The following PPARGC1B variants were observed in gnomAD, a reference collection of about 807,000 sequenced individuals.
The protein encoded by PPARGC1B is peroxisome proliferator-activated receptor gamma coactivator 1-beta.
Under a neutral mutation model 101.6 loss-of-function variants are expected in PPARGC1B, and 34 were observed. That is an observed-to-expected ratio of 0.33 (90% confidence interval 0.25 to 0.45). The LOEUF is 0.45. PPARGC1B is among the 20% of genes least tolerant of loss of function. The probability of loss-of-function intolerance (pLI) is 1.00; values close to 1 mark genes in which losing one functional copy is unlikely to be tolerated. For synonymous variants in PPARGC1B, 548 were observed against 539.3 expected, an observed-to-expected ratio of 1.02 and a Z score of -0.22; for missense variants, 1,234 against 1,317.6, an observed-to-expected ratio of 0.94 and a Z score of 0.98.
At chr5:149,806,986 T>C (rs1757625725) in intron 1 of PPARGC1B, among the ~76,000 whole-genome samples, 1 of 151,776 alleles carries the variant, frequency 6.6e-6, no homozygotes, top group African/African-American at 2.4e-5. Flanking sequence ...AGACAGGGTC[T>C]TGCTCTGTCA....
At chr5:149,844,193 T>A (rs1356863988) in intron 10 of PPARGC1B, among the ~76,000 whole-genome samples, 1 of 152,202 alleles carries the variant, frequency 6.6e-6, no homozygotes, top group Non-Finnish European at 1.5e-5. Context: ...ATAGAACCAT[T>A]TTAAGTTCTG....
chr5:149,841,545 CTG>C (rs746273591), intron 9 of PPARGC1B, among the ~76,000 whole-genome samples: 24 of 152,318 alleles, frequency 1.6e-4, no homozygotes, highest in Admixed American at 3.9e-4. Context: ...GGACAAGAAA[CTG>C]TGTGTTTTTC....
At chr5:149,774,579 A>G (rs887507068) in intron 1 of PPARGC1B, among the ~76,000 whole-genome samples, 5 of 151,428 alleles carry the variant, frequency 3.3e-5, no homozygotes, top group South Asian at 2.1e-4. Context: ...CAGCTTTGAC[A>G]TTCATTCATT....
Position 149,837,680 on chromosome 5 carries a change from G to C in PPARGC1B, c.2618+607G>C, listed in dbSNP as rs1296985850. Among the ~76,000 whole-genome samples, 3 of 152,204 alleles carry C rather than the reference G, an allele frequency of 2.0e-5. No homozygotes were observed. Among genetic ancestry groups the C allele is most frequent in the Non-Finnish European group, 4.4e-5 (3 of 68,034 alleles). On this transcript the variant is annotated intron_variant, in intron 8 of 11. Coordinates refer to ENST00000309241, the MANE Select transcript of PPARGC1B (RefSeq NM_133263.4). The surrounding 1 kb of genome is among the most constrained non-coding windows in gnomAD (Gnocchi z 4.2). ...CATCCTCGCTCGCTGAACCAGACTG[G>C]AGAAGAAGCCAGTCCAAAAGTCAGC... is the stretch of plus-strand genomic sequence containing the variant.
At chr5:149,782,873 C>G (rs1756643740) in intron 1 of PPARGC1B, among the ~76,000 whole-genome samples, 1 of 152,182 alleles carries the variant, frequency 6.6e-6, no homozygotes, top group Non-Finnish European at 1.5e-5. Flanking sequence ...AACATTCCCT[C>G]CTGACCCCCA....
chr5:149,732,726 G>T, intron 1 of PPARGC1B: 2 of 460,696 alleles, frequency 4.3e-6, no homozygotes, highest in Non-Finnish European at 9.0e-6. Flanking sequence ...ACCTGGGCGG[G>T]CCCAGTGTGC....
rs1184904178 is a variant in PPARGC1B at position 149,854,111 on chromosome 5, A to T, written c.*6553A>T. 6.6e-6 allele frequency: 1 copy of T among 152,098 alleles called. No individual in the cohort carries two copies. Among genetic ancestry groups the T allele is most frequent in the Non-Finnish European group, 1.5e-5 (1 of 68,026 alleles). The allele number at this position is 152,098 out of a possible 1,614,324, so 9.4% of individuals were successfully genotyped here. A position where few individuals can be genotyped will look rare whatever the true frequency, so the allele number is the denominator to read the frequency against. On this transcript the variant is annotated 3_prime_UTR_variant, in exon 12 of 12. Transcript: ENST00000309241. ...CCAGCATTTCCAAATCTTGGACTCA[A>T]ATTATTTTCTCTTGGTGTGACCACA...
intron 1 of PPARGC1B, among the ~76,000 whole-genome samples, chr5:149,788,378 A>G (rs1756887506): frequency 6.6e-6 from 1 of 152,226 alleles, no homozygotes; most frequent in South Asian, 2.1e-4. Flanking sequence ...AGAATGAGAT[A>G]CTGTCTCACA....
chr5:149,821,788 G>A (rs1758313049), intron 2 of PPARGC1B, among the ~76,000 whole-genome samples: 1 of 152,210 alleles, frequency 6.6e-6, no homozygotes, highest in Non-Finnish European at 1.5e-5. Flanking sequence ...GCAGTCACTT[G>A]TGATAAGGGC....
chr5:149,780,983 C>T (rs1057201785), intron 1 of PPARGC1B, among the ~76,000 whole-genome samples: 2 of 152,190 alleles, frequency 1.3e-5, no homozygotes, highest in East Asian at 3.8e-4. Flanking sequence ...GCGGGGGAAT[C>T]GCCTGAGGTC....
intron 1 of PPARGC1B, among the ~76,000 whole-genome samples, chr5:149,794,812 C>T (rs1757150724): frequency 6.6e-6 from 1 of 152,234 alleles, no homozygotes. Context: ...GCTGATGAAG[C>T]GTTGTCTGCC....
chr5:149,760,353 G>A (rs532426571), intron 1 of PPARGC1B, among the ~76,000 whole-genome samples: 68 of 152,216 alleles, frequency 4.5e-4, no homozygotes, highest in Non-Finnish European at 9.4e-4. Context: ...GGCATTGAAT[G>A]GTAGCTATGG....
intron 1 of PPARGC1B, among the ~76,000 whole-genome samples, chr5:149,774,958 A>T (rs1232281217): frequency 6.6e-6 from 1 of 152,134 alleles, no homozygotes; most frequent in South Asian, 2.1e-4. Context: ...GTGGAGCAGC[A>T]TGTCCCCACA....
At chr5:149,751,752 A>G (rs1269632750) in intron 1 of PPARGC1B, among the ~76,000 whole-genome samples, 1 of 151,964 alleles carries the variant, frequency 6.6e-6, no homozygotes, top group East Asian at 1.9e-4. Context: ...GCACCCAGAA[A>G]TAACCAGTCA....
At chr5:149,826,989 C>T (rs1202431570) in intron 3 of PPARGC1B, 104 bp downstream of exon 3, 1 of 874,110 alleles carries the variant, frequency 1.1e-6, no homozygotes, top group African/African-American at 1.7e-5. Context: ...GCAGGGGACT[C>T]CGTGCATCAC....
Position 149,833,906 on chromosome 5 carries a change from A to T in PPARGC1B, c.1705+128A>T. ...ACAAAGTGTTATATGGGTTTGGACA[A>T]GTCCCTTCCCCTCCCTGGCTTTCAG... On this transcript the variant is annotated intron_variant, in intron 5 of 11. Transcript: ENST00000309241. This position sits in a 1 kb window ranked among gnomAD's most constrained non-coding sequence, Gnocchi z 4.1. 7.5e-7 allele frequency: 1 copy of T among 1,325,404 alleles called. No individual in the cohort carries two copies. 82.1% of individuals were successfully genotyped at this position (1,325,404 alleles called of 1,614,324 possible).
At chr5:149,807,871 CAGTAACTT>C (rs1190406916) in intron 1 of PPARGC1B, among the ~76,000 whole-genome samples, 2 of 152,278 alleles carry the variant, frequency 1.3e-5, no homozygotes, top group African/African-American at 4.8e-5. Flanking sequence ...CCTGCATGAA[CAGTAACTT>C]TCTCCATCTA....
chr5:149,791,935 G>C (rs1291553424), intron 1 of PPARGC1B, among the ~76,000 whole-genome samples: 1 of 152,176 alleles, frequency 6.6e-6, no homozygotes, highest in East Asian at 1.9e-4. Flanking sequence ...GCTGGGCCTA[G>C]GGAACCCCAG....
At chr5:149,787,253 T>G (rs1162360463) in intron 1 of PPARGC1B, among the ~76,000 whole-genome samples, 4 of 152,206 alleles carry the variant, frequency 2.6e-5, no homozygotes, top group South Asian at 2.1e-4. Flanking sequence ...CCAATCATGA[T>G]GGCTGGAAAA....
Sources: gnomAD v4.1 joint callset for allele counts (sites outside exome capture counted in the v4.1 genomes callset) on GRCh38, gnomAD v4.1.1 for gene constraint, Gnocchi (gnomAD v3.1) non-coding constraint, MANE v1.5 for transcripts, NCBI Gene and HGNC (gene_info 2026-07-23, HGNC 2026-07-21) for gene names.